The following FRMD4A variants were observed in gnomAD, a reference collection of about 807,000 sequenced individuals.
FRMD4A encodes FERM domain-containing protein 4A.
FRMD4A carries 29 observed loss-of-function variants against 129.1 expected under a neutral mutation model. The ratio of observed to expected loss-of-function variants is 0.22; its 90% CI spans 0.17 to 0.31. The LOEUF (loss-of-function observed/expected upper bound fraction) is 0.31. Ranked by LOEUF, FRMD4A falls within the 10% of genes least tolerant of loss-of-function variation. FRMD4A has a pLI of 1.00. For missense variants in FRMD4A, 1,272 were observed against 1,375.8 expected, an observed-to-expected ratio of 0.92 and a Z score of 1.19; for synonymous variants, 634 against 571.6, an observed-to-expected ratio of 1.11 and a Z score of -1.56.
chr10:14,266,008 C>T (rs2132039555), intron 2 of FRMD4A, among the ~76,000 whole-genome samples: 1 of 152,240 alleles, frequency 6.6e-6, no homozygotes, highest in South Asian at 2.1e-4. Context: ...CCAAAATCTG[C>T]AGTTTAAAGG....
In FRMD4A at chr10:13,657,307, G is replaced by A. The variant is rs201092986; in HGVS notation, c.2282C>T (p.Pro761Leu). 21 of 1,610,988 alleles carry A rather than the reference G, an allele frequency of 1.3e-5. No individual in the cohort carries two copies. Among genetic ancestry groups the A allele is most frequent in the African/African-American group, 9.3e-5 (7 of 75,044 alleles). ...GGAGTAGTTGGCGTTCATCTGCGCCGGGTAGTAGTGCTCCGAGCTCGAGTG... is the reference window on the plus strand; with the variant it reads ...GGAGTAGTTGGCGTTCATCTGCGCCAGGTAGTAGTGCTCCGAGCTCGAGTG... ...TSHSSSEHYY[P>L]AQMNANYSTL... The change falls in exon 22 of 25, where the codon CCG becomes CTG. Residue 761 changes from proline to leucine, a missense_variant. Transcript: ENST00000357447.
At chr10:13,806,852 G>A (rs943438286) in intron 4 of FRMD4A, among the ~76,000 whole-genome samples, 3 of 152,162 alleles carry the variant, frequency 2.0e-5, no homozygotes, top group Admixed American at 1.3e-4. Context: ...CTGTTGCCCA[G>A]GCTGGAGTGC....
At chr10:14,154,252 A>G (rs1214986878) in intron 2 of FRMD4A, among the ~76,000 whole-genome samples, 1 of 152,174 alleles carries the variant, frequency 6.6e-6, no homozygotes, top group Admixed American at 6.5e-5. Flanking sequence ...ATGGTAGACC[A>G]GATGAGGAGC....
intron 2 of FRMD4A, among the ~76,000 whole-genome samples, chr10:14,280,982 ATTT>A (rs772555677): frequency 1.8e-3 from 139 of 76,542 alleles, no homozygotes; most frequent in African/African-American, 6.9e-3. Flanking sequence ...ACTGGTTTCA[ATTT>A]TTTTTTTTTT....
intron 6 of FRMD4A, among the ~76,000 whole-genome samples, chr10:13,767,820 G>T (rs532963995): frequency 5.3e-5 from 8 of 152,256 alleles, no homozygotes; most frequent in African/African-American, 1.9e-4. Context: ...TGCGGCCATT[G>T]GAGGGAGGGG....
rs904662874 is a variant in FRMD4A at position 14,162,635 on chromosome 10, T to A, written c.45+167423A>T. Among the ~76,000 whole-genome samples, 370 of 138,936 alleles carry A rather than the reference T, an allele frequency of 2.7e-3. 2 individuals carry two copies. Among genetic ancestry groups the A allele is most frequent in the Non-Finnish European group, 4.7e-3 (315 of 66,432 alleles). 91.1% of individuals were successfully genotyped at this position (138,936 alleles called of 152,430 possible). On this transcript the variant is annotated intron_variant, in intron 2 of 24. Coordinates refer to ENST00000357447, the MANE Select transcript of FRMD4A (RefSeq NM_018027.5). The stretch of plus-strand genomic sequence containing the variant: ...CACGAGTCTTGAGTTTCTCTGTTTT[T>A]TTTTTGTTTTTTTTTTTTTTTTTTG...
chr10:14,330,165 A>G lies in FRMD4A; in HGVS notation c.-63T>C. ...CAGTCCTCCTGGGCCCCGGGTGGCT[A>G]CAGAGCATCCAAAAGCACCTGCAGA... On this transcript the variant is annotated 5_prime_UTR_variant, in exon 2 of 25. The change abolishes the stop of an existing upstream ORF in the 5' untranslated region. Transcript: ENST00000357447. The G allele has an allele frequency of 4.0e-6, 6 of 1,514,480 alleles. No homozygotes were observed. The highest frequency in any genetic ancestry group is 5.4e-6 in the Non-Finnish European group (6 of 1,115,390). The allele number at this position is 1,514,480 out of a possible 1,614,324, so 93.8% of individuals were successfully genotyped here. A position where few individuals can be genotyped will look rare whatever the true frequency, so the allele number is the denominator to read the frequency against.
At chr10:13,875,734 T>C (rs139005460) in intron 2 of FRMD4A, among the ~76,000 whole-genome samples, 80 of 152,220 alleles carry the variant, frequency 5.3e-4, no homozygotes, top group South Asian at 3.5e-3. Context: ...TTCCCAGGAC[T>C]GAGGGAAAAG....
At chr10:14,160,950 T>C (rs1840852653) in intron 2 of FRMD4A, among the ~76,000 whole-genome samples, 1 of 152,100 alleles carries the variant, frequency 6.6e-6, no homozygotes, top group Non-Finnish European at 1.5e-5. Flanking sequence ...GAAAACTGCA[T>C]GAAGATTTTT....
At chr10:13,674,832 A>T in intron 16 of FRMD4A, 79 bp downstream of exon 16, 1 of 1,454,466 alleles carries the variant, frequency 6.9e-7, no homozygotes. Flanking sequence ...ATGACATCAA[A>T]AAGATCAAAT....
At chr10:13,754,234 T>G (rs1240871843) in intron 8 of FRMD4A, among the ~76,000 whole-genome samples, 1 of 151,702 alleles carries the variant, frequency 6.6e-6, no homozygotes, top group Non-Finnish European at 1.5e-5. Context: ...ATACAAAATT[T>G]CCTCCTTACT....
intron 18 of FRMD4A, 133 bp from the exon 19 acceptor site, chr10:13,663,642 A>G (rs2134682314): frequency 1.6e-6 from 1 of 639,152 alleles, no homozygotes; most frequent in African/African-American, 1.8e-5. Context: ...CAGATACAAT[A>G]AAAATGCTGT....
chr10:13,780,868 C>T (rs78255748), intron 6 of FRMD4A, among the ~76,000 whole-genome samples: 3,161 of 152,082 alleles, frequency 0.021, 54 homozygotes, highest in Middle Eastern at 0.051. Flanking sequence ...AATAGGGTCT[C>T]GAGGAGATAT....
At chr10:13,734,110 C>T (rs941116490) in intron 12 of FRMD4A, among the ~76,000 whole-genome samples, 1 of 152,204 alleles carries the variant, frequency 6.6e-6, no homozygotes, top group Non-Finnish European at 1.5e-5. Context: ...TCTGGTGGAT[C>T]CTGAAGCCTG....
intron 2 of FRMD4A, among the ~76,000 whole-genome samples, chr10:13,917,327 G>A (rs1188211053): frequency 1.4e-5 from 2 of 142,726 alleles, no homozygotes; most frequent in Non-Finnish European, 3.0e-5. Context: ...TTGTCGCCCA[G>A]TCTGGAGTAC....
chr10:14,275,065 C>T (rs920254841), intron 2 of FRMD4A, among the ~76,000 whole-genome samples: 37 of 152,208 alleles, frequency 2.4e-4, no homozygotes, highest in African/African-American at 8.9e-4. Context: ...ACTTCCTGCC[C>T]TGGTCAATCC....
At chr10:14,131,398 C>T (rs533819682) in intron 2 of FRMD4A, among the ~76,000 whole-genome samples, 2 of 144,442 alleles carry the variant, frequency 1.4e-5, no homozygotes, top group Admixed American at 1.3e-4. Context: ...CTCACTGTGC[C>T]CCCCCCGGCC....
At chr10:13,707,797 G>C (rs975365662) in intron 12 of FRMD4A, 1 of 985,362 alleles carries the variant, frequency 1.0e-6, no homozygotes, top group Non-Finnish European at 1.2e-6. Flanking sequence ...AGGACGCTGC[G>C]GCCAGAGTCT....
At chr10:13,884,204 ACACT>A (rs1415281289) in intron 2 of FRMD4A, among the ~76,000 whole-genome samples, 987 of 52,256 alleles carry the variant, frequency 0.019, 20 homozygotes, top group African/African-American at 0.049. Flanking sequence ...ACTCACACAC[ACACT>A]CACACACACA....
Sources: allele counts gnomAD v4.1 joint callset (sites outside exome capture counted in the v4.1 genomes callset), GRCh38; gene constraint gnomAD v4.1.1; transcripts MANE v1.5; gene names NCBI Gene and HGNC (gene_info 2026-07-23, HGNC 2026-07-21).